LDHD: variants seen among roughly 807,000 people sequenced by gnomAD.
LDHD encodes the protein lactate dehydrogenase D, also known as D-lactate dehydrogenase, mitochondrial.
Under a neutral mutation model 52.9 loss-of-function variants are expected in LDHD, and 58 were observed. The observed-to-expected ratio is 1.10, with a 90% CI of 0.89 to 1.36. The LOEUF (loss-of-function observed/expected upper bound fraction) is 1.36. Among genes scored for constraint, LDHD ranks in the 40% most tolerant of loss-of-function variants. LDHD has a pLI of 0.00. For synonymous variants in LDHD, 350 were observed against 288.6 expected, an observed-to-expected ratio of 1.21 and a Z score of -2.16; for missense variants, 747 against 668.0, an observed-to-expected ratio of 1.12 and a Z score of -1.30.
At position 75,112,448 on chromosome 16, in the gene LDHD, CCTG is replaced by C; in HGVS notation, c.1360_1362del (p.Gln454del). The C allele has an allele frequency of 1.2e-6, 2 of 1,613,438 alleles. No individual in the cohort carries two copies. Among genetic ancestry groups the C allele is most frequent in the South Asian group, 1.1e-5 (1 of 91,080 alleles). On this transcript the variant is annotated inframe_deletion, in exon 11 of 11. Transcript: ENST00000450168. The stretch of plus-strand genomic sequence containing the variant: ...TCCACGCCCACGGCGCCCACCTCCT[CCTG>C]CAGCAGCTGCCGCTTGCCCATTCCG...
Position 75,112,825 on chromosome 16 carries a change from G to A in LDHD, c.1177+9C>T. On this transcript the variant is annotated intron_variant, in intron 9 of 10. Transcript: ENST00000450168. ...CCCCACCTCTCCCCAGCAGCAGGGT[G>A]GGCAGAACCTGTGAGTCCTGAGGCA... is the stretch of plus-strand genomic sequence containing the variant. 1.2e-6 allele frequency: 2 copies of A among 1,611,480 alleles called. No homozygotes were observed.
intron 3 of LDHD, 51 bp from the exon 4 acceptor site, chr16:75,115,019 C>A: frequency 6.3e-7 from 1 of 1,575,298 alleles, no homozygotes. Flanking sequence ...TCTGACCTGG[C>A]CACGTCCCCG....
chr16:75,114,605 G>T lies in LDHD; in HGVS notation c.550C>A (p.Arg184=). ...ACCTCCAGGTTGAGCACGTTGTCCC[G>T]CATGGTGCCGTAGCGGACCGCGTTG... ...GTNAVRYGTM[R]DNVLNLEVVL... The change falls in exon 5 of 11, where the codon CGG becomes AGG. Residue 184 remains arginine (R), a synonymous_variant. Coordinates refer to ENST00000450168, the MANE Select transcript of LDHD (RefSeq NM_194436.3). 6.5e-7 allele frequency: 1 copy of T among 1,534,768 alleles called. No individual in the cohort carries two copies.
chr16:75,112,023 C>T lies in LDHD; in HGVS notation c.*333G>A, dbSNP rs1435805449. On this transcript the variant is annotated 3_prime_UTR_variant, in exon 11 of 11. Coordinates refer to ENST00000450168, the MANE Select transcript of LDHD (RefSeq NM_194436.3). The stretch of plus-strand genomic sequence containing the variant: ...CTGGGACCCCGGCAGTGGGAGGCCT[C>T]GGGGAGGGGTGTCATCAGAGTCTTG... 3 of 262,652 alleles carry T rather than the reference C, an allele frequency of 1.1e-5. No individual in the cohort carries two copies. The highest frequency in any genetic ancestry group is 2.2e-5 in the Non-Finnish European group (3 of 138,844). The allele number at this position is 262,652 out of a possible 1,614,324, so 16.3% of individuals were successfully genotyped here.
In LDHD at chr16:75,113,597, G is replaced by A. The variant is rs942348868; in HGVS notation, c.1024C>T (p.Arg342Trp). The A allele has an allele frequency of 6.2e-6, 10 of 1,613,068 alleles. No homozygotes were observed. The highest frequency in any genetic ancestry group is 7.6e-6 in the Non-Finnish European group (9 of 1,180,008). ...GCATTGTGCCGTGCTGTCCAAAGCC[G>A]GCTGCGCTCCTCGGCCTCCTTGGCC... ...SWAKEAEERS[R>W]LWTARHNAWY... The change falls in exon 8 of 11, where the codon CGG (arginine) becomes TGG (tryptophan). Residue 342 changes from arginine (R) to tryptophan (W), a missense_variant. By Grantham distance (101) the Arg-to-Trp change is moderately radical. Transcript: ENST00000450168.
Position 75,114,561 on chromosome 16 carries a change from C to T in LDHD, c.594G>A (p.Arg198=). Residue 198 remains arginine, a synonymous_variant, in exon 5 of 11, where the codon CGG becomes CGA. Coordinates refer to ENST00000450168, the MANE Select transcript of LDHD (RefSeq NM_194436.3). ...GGCCTCGGCCCGCCGTGTGCAGCAGCCGCCCGTCGGGCAGCACCACCTCCA... is the reference window on the plus strand; with the variant it reads ...GGCCTCGGCCCGCCGTGTGCAGCAGTCGCCCGTCGGGCAGCACCACCTCCA... ...LNLEVVLPDG[R]LLHTAGRGRH... 4 of 1,530,872 alleles carry T rather than the reference C, an allele frequency of 2.6e-6. No individual in the cohort carries two copies. The highest frequency in any genetic ancestry group is 3.5e-6 in the Non-Finnish European group (4 of 1,143,780). The allele number at this position is 1,530,872 out of a possible 1,614,324, so 94.8% of individuals were successfully genotyped here.
intron 5 of LDHD, 130 bp downstream of exon 5, chr16:75,114,396 G>C: frequency 7.4e-7 from 1 of 1,357,490 alleles, no homozygotes; most frequent in South Asian, 1.4e-5. Context: ...CAGGGCTTCA[G>C]AGCCTGAGGA....
At chr16:75,116,217 A>T (rs115718950) in intron 1 of LDHD, among the ~76,000 whole-genome samples, 2,353 of 152,052 alleles carry the variant, frequency 0.015, 53 homozygotes, top group African/African-American at 0.038. Context: ...AATTAGGGGG[A>T]GGAAAAGCTT....
chr16:75,114,455 C>A, intron 5 of LDHD, 71 bp downstream of exon 5: 1 of 1,420,432 alleles, frequency 7.0e-7, no homozygotes, highest in South Asian at 1.5e-5. Context: ...TTTTCACAGC[C>A]CGGTCTCTGC....
At position 75,112,606 on chromosome 16, in the gene LDHD, C is replaced by G; in HGVS notation, c.1285G>C (p.Gly429Arg). Residue 429 changes from glycine (G) to arginine (R), a missense_variant, in exon 10 of 11, where the codon GGC (glycine) becomes CGC (arginine). Transcript: ENST00000450168. Reference sequence around the variant, plus strand: ...CCTCCCTGGCTTTGCTCCTACCTGCCCAGCTGTTCTGCAAAAGCCTTGACC... The same window carrying G: ...CCTCCCTGGCTTTGCTCCTACCTGCGCAGCTGTTCTGCAAAAGCCTTGACC... ...GRVKAFAEQL[G>R]RRALALHGTC... 6.2e-7 allele frequency: 1 copy of G among 1,614,094 alleles called. No homozygotes were observed. Among genetic ancestry groups the G allele is most frequent in the East Asian group, 2.2e-5 (1 of 44,884 alleles).
rs1243541456 is a variant in LDHD at position 75,112,184 on chromosome 16, A to G, written c.*172T>C. 1.3e-6 allele frequency: 1 copy of G among 756,612 alleles called. No individual in the cohort carries two copies. The allele number at this position is 756,612 out of a possible 1,614,324, so 46.9% of individuals were successfully genotyped here. ...CCAGCCAGAGGGCCAGGGAGGTAAC[A>G]CGGTGCTCAGGCTTCTCTCTGGGCC... On this transcript the variant is annotated 3_prime_UTR_variant, in exon 11 of 11. Transcript: ENST00000450168.
intron 3 of LDHD, 67 bp downstream of exon 3, chr16:75,115,131 G>C (rs2036518055): frequency 1.3e-6 from 2 of 1,548,234 alleles, no homozygotes; most frequent in African/African-American, 1.3e-5. Flanking sequence ...TGGCGGGGGA[G>C]GCAGCCACAG....
rs375237795 is a variant in LDHD, at chr16:75,113,564, C to T, written c.1057G>A (p.Ala353Thr). ...LWTARHNAWYAALATRPGCKG... is the reference protein window; with the variant it reads ...LWTARHNAWYTALATRPGCKG... ...CAGCCTGGCCGCGTGGCCAGGGCTG[C>T]GTACCAGGCATTGTGCCGTGCTGTC... The change falls in exon 8 of 11, where the codon GCA (alanine) becomes ACA (threonine). Residue 353 changes from alanine (A) to threonine (T), a missense_variant. By Grantham distance (58) the Ala-to-Thr change is moderately conservative. Transcript: ENST00000450168. 10 of 1,612,466 alleles carry T rather than the reference C, an allele frequency of 6.2e-6. No homozygotes were observed. The highest frequency in any genetic ancestry group is 2.7e-5 in the African/African-American group (2 of 74,926).
At chr16:75,114,756 C>A (rs2036504673) in intron 4 of LDHD, 71 bp from the exon 5 acceptor site, 1 of 1,571,186 alleles carries the variant, frequency 6.4e-7, no homozygotes, top group East Asian at 2.3e-5. Flanking sequence ...GGAGGAAGGT[C>A]CCCTGAACCC....
Position 75,112,909 on chromosome 16 carries a change from C to T in LDHD, c.1102G>A (p.Val368Met), listed in dbSNP as rs1303958941. ...GGCAGCCGGGAGATGGGCACACACA[C>T]ATCCGTGGAGTAGCCCTGGTCAGAG... is the stretch of plus-strand genomic sequence containing the variant. ...RPGCKGYSTDVCVPISRLPEI... is the reference protein window; with the variant it reads ...RPGCKGYSTDMCVPISRLPEI... Residue 368 changes from valine (V) to methionine (M), a missense_variant, in exon 9 of 11, where the codon GTG (valine) becomes ATG (methionine). By Grantham distance (21) the Val-to-Met change is conservative. Coordinates refer to ENST00000450168, the MANE Select transcript of LDHD (RefSeq NM_194436.3). The T allele has an allele frequency of 2.5e-6, 4 of 1,612,076 alleles. No individual in the cohort carries two copies. The Admixed American group carries it at 5.0e-5, about 20-fold the overall frequency.
At chr16:75,115,981 G>A (rs1490264736) in intron 1 of LDHD, among the ~76,000 whole-genome samples, 1 of 152,108 alleles carries the variant, frequency 6.6e-6, no homozygotes, top group Non-Finnish European at 1.5e-5. Flanking sequence ...CTGGGCTCAA[G>A]CGATCCACCT....
At position 75,112,365 on chromosome 16, in the gene LDHD, T is replaced by G; in HGVS notation, c.1446A>C (p.Lys482Asn). Residue 482 changes from lysine to asparagine, a missense_variant, in exon 11 of 11, where the codon AAA becomes AAC. Lys to Asn is a moderately conservative substitution (Grantham distance 94). Transcript: ENST00000450168. ...AGTGCTCAGACCCCCTTCACAGCAC[T>G]TTGCCTGGATTCATGAGGCCTTGGG... ...LDPQGLMNPG[K>N]VL 1 of 1,610,496 alleles carries G rather than the reference T, an allele frequency of 6.2e-7. No homozygotes were observed. The highest frequency in any genetic ancestry group is 2.2e-5 in the East Asian group (1 of 44,762).
chr16:75,115,297 C>A lies in LDHD; in HGVS notation c.228G>T (p.Glu76Asp). The A allele has an allele frequency of 6.2e-7, 1 of 1,613,626 alleles. No individual in the cohort carries two copies. Among genetic ancestry groups the A allele is most frequent in the Non-Finnish European group, 8.5e-7 (1 of 1,180,022 alleles). Residue 76 changes from glutamate to aspartate, a missense_variant, in exon 3 of 11, where the codon GAG (glutamate) becomes GAT (aspartate). Coordinates refer to ENST00000450168, the MANE Select transcript of LDHD (RefSeq NM_194436.3). Reference sequence around the variant, plus strand: ...ACAGGGCTGCCAGCCGGCTGACCTGCTCCACGTTCTGGGGCCACACCACAG... The same window carrying A: ...ACAGGGCTGCCAGCCGGCTGACCTGATCCACGTTCTGGGGCCACACCACAG... The part of the protein sequence containing the change: ...PDAVVWPQNV[E>D]QVSRLAALCY...
chr16:75,112,965 G>A (rs2036441537), intron 8 of LDHD, 41 bp from the exon 9 acceptor site: 1 of 1,469,912 alleles, frequency 6.8e-7, no homozygotes, highest in Non-Finnish European at 9.4e-7. Flanking sequence ...TGCCTGATTG[G>A]GTGTACGGGG....
Sources: allele counts gnomAD v4.1 joint callset (sites outside exome capture counted in the v4.1 genomes callset), GRCh38; gene constraint gnomAD v4.1.1; transcripts MANE v1.5; gene names NCBI Gene and HGNC (gene_info 2026-07-23, HGNC 2026-07-21).